Variants in COL18A1 observed in about 807,000 individuals in gnomAD.
The protein encoded by COL18A1 is collagen alpha-1(XVIII) chain.
A neutral mutation model predicts 168.0 loss-of-function variants in COL18A1; 133 were observed. The ratio of observed to expected loss-of-function variants is 0.79; its 90% CI spans 0.69 to 0.91. The LOEUF is 0.91. Among genes scored for constraint, COL18A1 ranks in the 40% least tolerant of loss-of-function variants. The pLI is 0.00. For missense variants in COL18A1, 2,126 were observed against 1,925.4 expected, an observed-to-expected ratio of 1.10 and a Z score of -1.95; for synonymous variants, 949 against 809.0, an observed-to-expected ratio of 1.17 and a Z score of -2.94.
chr21:45,429,879 T>C (rs758680822), intron 2 of COL18A1, among the ~76,000 whole-genome samples: 25 of 151,200 alleles, frequency 1.7e-4, no homozygotes, highest in Admixed American at 3.3e-4. Flanking sequence ...AGGCCAGGAG[T>C]GCTGTGTCTG....
intron 2 of COL18A1, among the ~76,000 whole-genome samples, chr21:45,406,561 G>A (rs1335261722): frequency 2.0e-5 from 3 of 152,194 alleles, no homozygotes; most frequent in East Asian, 1.9e-4. Context: ...AAACACGGGC[G>A]GAGAGCGGCT....
rs548893777 is a variant in COL18A1, at chr21:45,474,800, G to A, written c.739-676G>A. On this transcript the variant is annotated intron_variant, in intron 4 of 41. Coordinates refer to ENST00000651438, the MANE Select transcript of COL18A1 (RefSeq NM_001379500.1). ...CCTGGGGGCGTGGGCAGGAGACACC[G>A]TGGCTGGACTGTGGGCAGTGTGTGA... 1.8e-4 allele frequency among the ~76,000 whole-genome samples: 27 copies of A among 152,068 alleles called. No homozygotes were observed. The South Asian group carries it at 2.7e-3, about 15-fold the overall frequency.
intron 2 of COL18A1, chr21:45,467,499 A>G (rs1479921946): frequency 1.1e-6 from 1 of 939,178 alleles, no homozygotes; most frequent in East Asian, 1.2e-4. Context: ...GGGGAGATAC[A>G]GCTTGTCCTT....
chr21:45,510,783 A>G (rs1394695204), intron 40 of COL18A1, among the ~76,000 whole-genome samples: 1 of 152,056 alleles, frequency 6.6e-6, no homozygotes, highest in Non-Finnish European at 1.5e-5. Context: ...CAGGGCTGGG[A>G]GCAGGCGGCT....
Position 45,468,785 on chromosome 21 carries a change from A to G in COL18A1, c.650A>G (p.Gln217Arg). Residue 217 changes from glutamine to arginine, a missense_variant and splice_region_variant, in exon 3 of 42, where the codon CAG (glutamine) becomes CGG (arginine). By Grantham distance (43) the Gln-to-Arg change is conservative (BLOSUM62 1). Coordinates refer to ENST00000651438, the MANE Select transcript of COL18A1 (RefSeq NM_001379500.1). Reference protein sequence around the residue: ...QAGGADPDKFQGVIAELKVRR... With the variant: ...QAGGADPDKFRGVIAELKVRR... ...GGGGGAGCGGACCCTGACAAGTTCC[A>G]GGTAACCCCCACTGTGCCGTCGCTG... 1 of 1,448,986 alleles carries G rather than the reference A, an allele frequency of 6.9e-7. No individual in the cohort carries two copies. Among genetic ancestry groups the G allele is most frequent in the Non-Finnish European group, 9.2e-7 (1 of 1,083,010 alleles). 89.8% of individuals were successfully genotyped at this position (1,448,986 alleles called of 1,614,324 possible). A position where few individuals can be genotyped will look rare whatever the true frequency, so the allele number is the denominator to read the frequency against.
At chr21:45,476,511 T>C in intron 6 of COL18A1, 31 bp downstream of exon 6, 21 of 1,569,180 alleles carry the variant, frequency 1.3e-5, no homozygotes, top group Non-Finnish European at 1.7e-5. Context: ...GGTGTGTGTG[T>C]GGTGTGGGGT....
At chr21:45,424,192 G>A (rs961454184) in intron 2 of COL18A1, 1 of 152,290 alleles carries the variant, frequency 6.6e-6, no homozygotes, top group Non-Finnish European at 1.5e-5. Flanking sequence ...AGTGACACAG[G>A]GACACCTTCT....
At chr21:45,481,339 C>T (rs556511930) in intron 13 of COL18A1, among the ~76,000 whole-genome samples, 228 of 152,260 alleles carry the variant, frequency 1.5e-3, no homozygotes, top group African/African-American at 5.0e-3. Flanking sequence ...GCCCCACCAG[C>T]TGTGCCACAC....
Position 45,454,024 on chromosome 21 carries a change from C to T in COL18A1, c.107-14218C>T, listed in dbSNP as rs115551841. 7.2e-3 allele frequency among the ~76,000 whole-genome samples: 1,092 copies of T among 152,254 alleles called. 12 individuals carry two copies. Among genetic ancestry groups the T allele is most frequent in the African/African-American group, 0.025 (1,048 of 41,544 alleles). On this transcript the variant is annotated intron_variant, in intron 2 of 41. Transcript: ENST00000651438. The stretch of plus-strand genomic sequence containing the variant: ...CTGGAATTTCTGTTTGGAGACTTTC[C>T]GGAGGCGTGTTCAGACATAAAATCA...
Position 45,493,386 on chromosome 21 carries a change from G to A in COL18A1, c.2278-115G>A, listed in dbSNP as rs749625. The A allele has an allele frequency of 0.18, 234,891 of 1,291,288 alleles. 22,047 individuals are homozygous for A. Among genetic ancestry groups the A allele is most frequent in the Admixed American group, 0.21 (10,404 of 50,670 alleles). 80.0% of individuals were successfully genotyped at this position (1,291,288 alleles called of 1,614,324 possible). Reference sequence around the variant, plus strand: ...CGGGCCGTCCCTGTGGTCACCTCCCGTGAAAGGACCCAGCCTGCGAGGCCC... The same window carrying A: ...CGGGCCGTCCCTGTGGTCACCTCCCATGAAAGGACCCAGCCTGCGAGGCCC... On this transcript the variant is annotated intron_variant, in intron 25 of 41. Coordinates refer to ENST00000651438, the MANE Select transcript of COL18A1 (RefSeq NM_001379500.1).
chr21:45,457,916 G>A lies in COL18A1; in HGVS notation c.107-10326G>A, dbSNP rs1293719592. Among the ~76,000 whole-genome samples the A allele has an allele frequency of 1.3e-5, 2 of 152,134 alleles. No individual in the cohort carries two copies. The highest frequency in any genetic ancestry group is 2.9e-5 in the Non-Finnish European group (2 of 68,022). On this transcript the variant is annotated intron_variant, in intron 2 of 41. Transcript: ENST00000651438. This position sits in a 1 kb window ranked among gnomAD's most constrained non-coding sequence, Gnocchi z 4.6. ...ACGCCCACCCACCAGGCTCCGTGAG[G>A]GATGACGAGCTTGGTGATTCCCCTT...
intron 2 of COL18A1, chr21:45,420,718 G>A (rs2033594969): frequency 6.6e-6 from 1 of 152,520 alleles, no homozygotes. Flanking sequence ...ACCTTCTGGG[G>A]CTGGAGGTGT....
intron 32 of COL18A1, among the ~76,000 whole-genome samples, chr21:45,500,875 GGT>G (rs756570660): frequency 1.2e-3 from 17 of 14,242 alleles, no homozygotes; most frequent in Admixed American, 1.9e-3. Flanking sequence ...GGTGTGGTTT[GGT>G]GTGTGTGTGT....
At chr21:45,444,846 G>C (rs1368883319) in intron 2 of COL18A1, among the ~76,000 whole-genome samples, 1 of 152,066 alleles carries the variant, frequency 6.6e-6, no homozygotes, top group Non-Finnish European at 1.5e-5. Flanking sequence ...ATTTATAAGA[G>C]AAAAACTTTC....
At position 45,457,640 on chromosome 21, in the gene COL18A1, C is replaced by T. The variant is rs377572869; in HGVS notation, c.107-10602C>T. 4.8e-4 allele frequency among the ~76,000 whole-genome samples: 73 copies of T among 152,278 alleles called. No homozygotes were observed. Among genetic ancestry groups the T allele is most frequent in the African/African-American group, 1.5e-3 (63 of 41,556 alleles). ...CCCCAGCAGATCCCTCCTCTGTGTCCGGGAGTAGACGGGGCCCCTGAGCTG... is the reference window on the plus strand; with the variant it reads ...CCCCAGCAGATCCCTCCTCTGTGTCTGGGAGTAGACGGGGCCCCTGAGCTG... On this transcript the variant is annotated intron_variant, in intron 2 of 41. Transcript: ENST00000651438. The surrounding 1 kb of genome is among the most constrained non-coding windows in gnomAD (Gnocchi z 4.6).
Position 45,456,710 on chromosome 21 carries a change from G to T in COL18A1, c.107-11532G>T, listed in dbSNP as rs945261011. 25 of 1,532,660 alleles carry T rather than the reference G, an allele frequency of 1.6e-5. No homozygotes were observed. The Admixed American group carries it at 2.2e-4, about 13-fold the overall frequency. The allele number at this position is 1,532,660 out of a possible 1,614,324, so 94.9% of individuals were successfully genotyped here. A position where few individuals can be genotyped will look rare whatever the true frequency, so the allele number is the denominator to read the frequency against. On this transcript the variant is annotated intron_variant, in intron 2 of 41. Coordinates refer to ENST00000651438, the MANE Select transcript of COL18A1 (RefSeq NM_001379500.1). ...CGCCTGGTTCTTCTGCCTGCTGCTGGTCCCCCCATGCGGCAGCGTCCCGCC... is the reference window on the plus strand; with the variant it reads ...CGCCTGGTTCTTCTGCCTGCTGCTGTTCCCCCCATGCGGCAGCGTCCCGCC...
rs1219404701 is a variant in COL18A1, at chr21:45,425,802, AG to A, written c.106+20332del. Among the ~76,000 whole-genome samples the A allele has an allele frequency of 6.6e-6, 1 of 152,030 alleles. No homozygotes were observed. The highest frequency in any genetic ancestry group is 1.5e-5 in the Non-Finnish European group (1 of 67,992). On this transcript the variant is annotated intron_variant, in intron 2 of 41. Transcript: ENST00000651438. The surrounding 1 kb of genome is among the most constrained non-coding windows in gnomAD (Gnocchi z 4.1). ...TTTCCAAAGCAAAGCCAGAGCGCCA[AG>A]GGCTCTCGGGATTCACGAGATCCAC...
chr21:45,483,117 A>G (rs1435663300), intron 15 of COL18A1, among the ~76,000 whole-genome samples: 1 of 152,230 alleles, frequency 6.6e-6, no homozygotes, highest in Non-Finnish European at 1.5e-5. Flanking sequence ...ATCTGGAAAC[A>G]AGCTCCGTGT....
chr21:45,405,268 TG>T, intron 1 of COL18A1, 27 bp downstream of exon 1: 2 of 129,394 alleles, frequency 1.5e-5, no homozygotes, highest in African/African-American at 1.8e-4. Context: ...GGGCAGGGGT[TG>T]GGGGACGCCA....
Sources: allele counts gnomAD v4.1 joint callset (sites outside exome capture counted in the v4.1 genomes callset), GRCh38; gene constraint gnomAD v4.1.1; non-coding constraint Gnocchi (gnomAD v3.1); transcripts MANE v1.5; gene names NCBI Gene and HGNC (gene_info 2026-07-23, HGNC 2026-07-21).